Variants in ROBO2 observed in about 807,000 individuals in gnomAD.
ROBO2 encodes roundabout homolog 2.
Under a neutral mutation model 160.8 loss-of-function variants are expected in ROBO2, and 53 were observed. That is an observed-to-expected ratio of 0.33 (90% CI 0.26 to 0.41). The LOEUF is 0.41. Among genes scored for constraint, ROBO2 ranks in the 10% least tolerant of loss-of-function variants. ROBO2 has a pLI of 1.00. For synonymous variants in ROBO2, 664 were observed against 611.7 expected, an observed-to-expected ratio of 1.09 and a Z score of -1.26; for missense variants, 1,577 against 1,722.4, an observed-to-expected ratio of 0.92 and a Z score of 1.49.
chr3:76,099,090 G>T (rs2069575535), intron 2 of ROBO2, among the ~76,000 whole-genome samples: 1 of 152,130 alleles, frequency 6.6e-6, no homozygotes, highest in Admixed American at 6.6e-5. Context: ...TTCTTCAAAA[G>T]AGATTCTTTT....
chr3:77,128,131 A>G (rs144099492), intron 2 of ROBO2, among the ~76,000 whole-genome samples: 275 of 152,330 alleles, frequency 1.8e-3, no homozygotes, highest in African/African-American at 6.4e-3. Flanking sequence ...TTATTTAAGC[A>G]GGTGATTATG....
intron 11 of ROBO2, 120 bp from the exon 13 acceptor site, chr3:77,564,834 T>A: frequency 1.2e-6 from 1 of 836,642 alleles, no homozygotes. Flanking sequence ...ATACTTCAAG[T>A]GTTGTGTGTG....
At chr3:76,179,767 A>G (rs1018747465) in intron 2 of ROBO2, among the ~76,000 whole-genome samples, 3 of 152,136 alleles carry the variant, frequency 2.0e-5, no homozygotes, top group Non-Finnish European at 2.9e-5. Context: ...TAATGCCCAA[A>G]TACAAACTTG....
chr3:77,499,546 AT>A (rs1256824742), intron 5 of ROBO2, among the ~76,000 whole-genome samples: 6 of 152,180 alleles, frequency 3.9e-5, no homozygotes, highest in East Asian at 1.9e-4. Context: ...TGCTAAAAAA[AT>A]ATAAAATATA....
intron 6 of ROBO2, among the ~76,000 whole-genome samples, chr3:77,543,905 T>G (rs1030572258): frequency 6.6e-6 from 1 of 152,106 alleles, no homozygotes; most frequent in Non-Finnish European, 1.5e-5. Context: ...AAGTGACTGA[T>G]TTTGACCAAA....
At chr3:77,098,447 T>C in intron 2 of ROBO2, 107 bp downstream of exon 2, 1 of 1,128,576 alleles carries the variant, frequency 8.9e-7, no homozygotes, top group East Asian at 2.5e-5. Flanking sequence ...ATCAACACAC[T>C]GCATAATTTT....
rs576150679 is a variant in ROBO2 at position 76,498,799 on chromosome 3, C to T, written c.109+561197C>T. On this transcript the variant is annotated intron_variant, in intron 2 of 26. Transcript: ENST00000487694. The stretch of plus-strand genomic sequence containing the variant: ...CAGGATTCAGGATTCAAGCAATTCT[C>T]TGCCTCAGCCTCCTGAATAGCTGGG... Among the ~76,000 whole-genome samples the T allele has an allele frequency of 1.8e-4, 27 of 151,198 alleles. No individual in the cohort carries two copies. In the East Asian group the frequency reaches 5.3e-3, roughly 30 times the overall value.
intron 2 of ROBO2, among the ~76,000 whole-genome samples, chr3:77,006,559 A>C (rs1296254550): frequency 6.6e-6 from 1 of 152,066 alleles, no homozygotes; most frequent in Non-Finnish European, 1.5e-5. Context: ...GAGTTAGATT[A>C]ACAAAACTAC....
At chr3:77,480,990 T>G in intron 3 of ROBO2, 109 bp from the exon 4 acceptor site, 1 of 1,016,722 alleles carries the variant, frequency 9.8e-7, no homozygotes, top group African/African-American at 1.6e-5. Flanking sequence ...AGTTTTTTCC[T>G]TTGGGAAACA....
At chr3:76,720,548 C>T (rs1365025190) in intron 2 of ROBO2, among the ~76,000 whole-genome samples, 6 of 152,164 alleles carry the variant, frequency 3.9e-5, no homozygotes, top group South Asian at 2.1e-4. Context: ...AATTCTTACT[C>T]GGTACAGATT....
intron 2 of ROBO2, among the ~76,000 whole-genome samples, chr3:76,867,326 A>T (rs2071486120): frequency 6.6e-6 from 1 of 152,216 alleles, no homozygotes; most frequent in Non-Finnish European, 1.5e-5. Flanking sequence ...TGCCAGTCTC[A>T]GTCTAGTGCT....
At chr3:77,059,723 C>T (rs1170361071) in intron 1 of ROBO2, among the ~76,000 whole-genome samples, 2 of 151,988 alleles carry the variant, frequency 1.3e-5, no homozygotes, top group East Asian at 1.9e-4. Flanking sequence ...AGAGATTGAC[C>T]AAAGTTTGGG....
intron 2 of ROBO2, among the ~76,000 whole-genome samples, chr3:76,715,162 G>C (rs1576187220): frequency 1.3e-5 from 2 of 152,156 alleles, no homozygotes; most frequent in South Asian, 2.1e-4. Context: ...TAAATAATTA[G>C]AGACCCAAAC....
chr3:76,070,148 C>T (rs543644579), intron 2 of ROBO2, among the ~76,000 whole-genome samples: 38 of 152,136 alleles, frequency 2.5e-4, no homozygotes, highest in Non-Finnish European at 4.9e-4. Flanking sequence ...AAGAACAAGG[C>T]GACAGCAGTG....
At chr3:76,038,529 A>C in intron 2 of ROBO2, among the ~76,000 whole-genome samples, 1 of 151,972 alleles carries the variant, frequency 6.6e-6, no homozygotes, top group East Asian at 1.9e-4. Flanking sequence ...AGGAAGGCAC[A>C]GTCTACCCGT....
At chr3:76,890,602 A>G (rs2148814288) in intron 2 of ROBO2, among the ~76,000 whole-genome samples, 1 of 152,242 alleles carries the variant, frequency 6.6e-6, no homozygotes, top group African/African-American at 2.4e-5. Flanking sequence ...GATAGATTAG[A>G]CGGGTAAATA....
At chr3:76,453,257 A>G (rs2077569521) in intron 2 of ROBO2, among the ~76,000 whole-genome samples, 1 of 152,190 alleles carries the variant, frequency 6.6e-6, no homozygotes, top group Non-Finnish European at 1.5e-5. Flanking sequence ...GTCCATGCCT[A>G]TGTCCTGAAT....
intron 2 of ROBO2, among the ~76,000 whole-genome samples, chr3:76,536,586 C>T (rs1486928701): frequency 6.6e-6 from 1 of 152,062 alleles, no homozygotes; most frequent in Non-Finnish European, 1.5e-5. Flanking sequence ...TCTCACCTAG[C>T]TATACCTTGG....
At chr3:77,438,503 G>C (rs930409393) in intron 2 of ROBO2, among the ~76,000 whole-genome samples, 2 of 151,390 alleles carry the variant, frequency 1.3e-5, no homozygotes. Flanking sequence ...TGAAAAGTGA[G>C]TATCTGAAAA....
Sources: gnomAD v4.1 joint callset for allele counts (sites outside exome capture counted in the v4.1 genomes callset) on GRCh38, gnomAD v4.1.1 for gene constraint, MANE v1.5 for transcripts, NCBI Gene and HGNC (gene_info 2026-07-23, HGNC 2026-07-21) for gene names.